GRIP2: variants seen among roughly 807,000 people sequenced by gnomAD.
The protein encoded by GRIP2 is glutamate receptor-interacting protein 2.
In GRIP2, 58 loss-of-function variants were observed where a neutral mutation model predicts 108.3. The observed-to-expected ratio is 0.54, with a 90% confidence interval of 0.43 to 0.67. The LOEUF is 0.67. Among genes scored for constraint, GRIP2 ranks in the 30% least tolerant of loss-of-function variants. The probability of loss-of-function intolerance (pLI) is 0.00; values close to 1 mark genes in which losing one functional copy is unlikely to be tolerated. For missense variants in GRIP2, 1,278 were observed against 1,430.6 expected, an observed-to-expected ratio of 0.89 and a Z score of 1.72; for synonymous variants, 586 against 598.2, an observed-to-expected ratio of 0.98 and a Z score of 0.30.
intron 22 of GRIP2, 133 bp from the exon 23 acceptor site, chr3:14,495,122 C>A: frequency 2.5e-6 from 3 of 1,191,084 alleles, no homozygotes; most frequent in Non-Finnish European, 3.5e-6. Context: ...GCACCCCAGC[C>A]TCTTGCCCCT....
chr3:14,558,049 G>A (rs1442301764), upstream of GRIP2, among the ~76,000 whole-genome samples: 6 of 152,212 alleles, frequency 3.9e-5, no homozygotes, highest in East Asian at 1.2e-3. Context: ...GAATGGGGAT[G>A]GGAGGCCCAG....
chr3:14,562,970 A>G, the GRIP2 span, among the ~76,000 whole-genome samples: 1 of 152,214 alleles, frequency 6.6e-6, no homozygotes, highest in Admixed American at 6.5e-5. Context: ...AACATTCCAC[A>G]GGAAGAATGG....
upstream of GRIP2, among the ~76,000 whole-genome samples, chr3:14,556,440 AC>A (rs907458559): frequency 7.2e-5 from 11 of 151,958 alleles, no homozygotes; most frequent in African/African-American, 2.7e-4. Context: ...CCTTCAGGGC[AC>A]CCCGCCTGCT....
chr3:14,574,339 C>A, the GRIP2 span: 2 of 1,023,324 alleles, frequency 2.0e-6, no homozygotes, highest in Non-Finnish European at 3.0e-6. Flanking sequence ...AGTTTGCGCA[C>A]CGGCACAGCG....
Position 14,525,538 on chromosome 3 carries a change from G to C in GRIP2, c.156C>G (p.Ile52Met). 1 of 1,613,824 alleles carries C rather than the reference G, an allele frequency of 6.2e-7. No homozygotes were observed. The highest frequency in any genetic ancestry group is 8.5e-7 in the Non-Finnish European group (1 of 1,179,874). ...EFRGITVVELIKKEGSTLGLT... is the reference protein window; with the variant it reads ...EFRGITVVELMKKEGSTLGLT... ...GGCCCAGCGTGCTGCCTTCTTTCTT[G>C]ATCAGCTCCACCACAGTGATCCCTC... The change falls in exon 3 of 24, where the codon ATC (isoleucine) becomes ATG (methionine). Residue 52 changes from isoleucine (I) to methionine (M), a missense_variant. Transcript: ENST00000621039.
upstream of GRIP2, among the ~76,000 whole-genome samples, chr3:14,559,843 C>A (rs1695291284): frequency 6.6e-6 from 1 of 152,218 alleles, no homozygotes; most frequent in African/African-American, 2.4e-5. Flanking sequence ...GGTCAAGAAT[C>A]TGCACCTCAT....
the GRIP2 span, among the ~76,000 whole-genome samples, chr3:14,601,089 C>A: frequency 6.6e-6 from 1 of 151,858 alleles, no homozygotes; most frequent in East Asian, 1.9e-4. Context: ...CACACACACA[C>A]ACGAACACAC....
At chr3:14,554,273 T>C (rs1695198884) in intron 1 of GRIP2, among the ~76,000 whole-genome samples, 1 of 152,134 alleles carries the variant, frequency 6.6e-6, no homozygotes. Context: ...AATACAAGCA[T>C]TTCCTGCATC....
At position 14,511,253 on chromosome 3, in the gene GRIP2, G is replaced by T. The variant is rs1422645908; in HGVS notation, c.1845C>A (p.Asp615Glu). The change falls in exon 16 of 24, where the codon GAC becomes GAA. Residue 615 changes from aspartate (D) to glutamate (E), a missense_variant. Physicochemically the swap from Asp to Glu is conservative, Grantham distance 45. Transcript: ENST00000621039. This position sits in a 1 kb window ranked among gnomAD's most constrained non-coding sequence, Gnocchi z 4.1. ...KLLAIDNIRL[D>E]NCPMEDAVQI... ...GCACGGCGTCCTCCATGGGGCAGTT[G>T]TCCAGGCGGATATTGTCAATGGCCA... 6.2e-7 allele frequency: 1 copy of T among 1,613,872 alleles called. No individual in the cohort carries two copies. The highest frequency in any genetic ancestry group is 1.7e-5 in the Admixed American group (1 of 60,000).
At chr3:14,592,616 A>G in the GRIP2 span, among the ~76,000 whole-genome samples, 1 of 152,158 alleles carries the variant, frequency 6.6e-6, no homozygotes, top group Non-Finnish European at 1.5e-5. Context: ...TAGGAGACCC[A>G]ATTCCCAGCA....
chr3:14,504,416 A>G (rs903126467), intron 20 of GRIP2, among the ~76,000 whole-genome samples: 1 of 143,788 alleles, frequency 7.0e-6, no homozygotes, highest in Non-Finnish European at 1.5e-5. Flanking sequence ...GGTTCACGCC[A>G]TTCTCCTGCC....
At chr3:14,527,271 G>C (rs1694582747) in intron 1 of GRIP2, among the ~76,000 whole-genome samples, 1 of 151,514 alleles carries the variant, frequency 6.6e-6, no homozygotes, top group South Asian at 2.1e-4. Flanking sequence ...GGAAGGGAAG[G>C]TATTTCTTTT....
intron 16 of GRIP2, among the ~76,000 whole-genome samples, chr3:14,510,281 G>T (rs9809138): frequency 0.25 from 22,632 of 90,782 alleles, 1,875 homozygotes; most frequent in South Asian, 0.33. Context: ...TTTTTTTTTT[G>T]AGACAGAGTC....
chr3:14,593,971 C>T, the GRIP2 span, among the ~76,000 whole-genome samples: 1 of 152,206 alleles, frequency 6.6e-6, no homozygotes, highest in Admixed American at 6.5e-5. Context: ...TTCTCAAAGC[C>T]CCCAGCCCAT....
At chr3:14,500,328 G>A (rs1693732223) in intron 21 of GRIP2, among the ~76,000 whole-genome samples, 2 of 152,170 alleles carry the variant, frequency 1.3e-5, no homozygotes, top group South Asian at 4.1e-4. Flanking sequence ...AGGCAATATT[G>A]TAAACACCAT....
chr3:14,521,988 A>AG lies in GRIP2; in HGVS notation c.567-202dup, dbSNP rs953784192. ...CAGGAGTGGGGAGCTGCATAAAGCA[A>AG]GGGGGGGATGAAGACAGGATGGGGT... On this transcript the variant is annotated intron_variant, in intron 6 of 23. Coordinates refer to ENST00000621039, the MANE Select transcript of GRIP2 (RefSeq NM_001080423.4). This position sits in a 1 kb window ranked among gnomAD's most constrained non-coding sequence, Gnocchi z 5.1. 6 of 519,334 alleles carry AG rather than the reference A, an allele frequency of 1.2e-5. No individual in the cohort carries two copies. The highest frequency in any genetic ancestry group is 5.7e-5 in the South Asian group (2 of 35,058). The allele number at this position is 519,334 out of a possible 1,614,324, so 32.2% of individuals were successfully genotyped here. A position where few individuals can be genotyped will look rare whatever the true frequency, so the allele number is the denominator to read the frequency against.
chr3:14,539,428 T>C (rs548550281), intron 1 of GRIP2, among the ~76,000 whole-genome samples: 1 of 152,132 alleles, frequency 6.6e-6, no homozygotes, highest in African/African-American at 2.4e-5. Context: ...GGCTCTGCAG[T>C]AAAAGTCATC....
At chr3:14,600,857 A>C in the GRIP2 span, among the ~76,000 whole-genome samples, 1 of 152,180 alleles carries the variant, frequency 6.6e-6, no homozygotes, top group Non-Finnish European at 1.5e-5. Flanking sequence ...TTTTCCAAGG[A>C]AAATTCAAAT....
At chr3:14,571,456 T>C in the GRIP2 span, among the ~76,000 whole-genome samples, 2 of 151,988 alleles carry the variant, frequency 1.3e-5, no homozygotes, top group Non-Finnish European at 2.9e-5. Context: ...CCTCCAATGC[T>C]TCCCACCCCC....
Sources: allele counts gnomAD v4.1 joint callset (sites outside exome capture counted in the v4.1 genomes callset), GRCh38; gene constraint gnomAD v4.1.1; non-coding constraint Gnocchi (gnomAD v3.1); transcripts MANE v1.5; gene names NCBI Gene and HGNC (gene_info 2026-07-23, HGNC 2026-07-21).